PPM1L: variants seen among roughly 807,000 people sequenced by gnomAD.
PPM1L encodes the protein protein phosphatase, Mg2+/Mn2+ dependent 1L.
A neutral mutation model predicts 31.4 loss-of-function variants in PPM1L; 13 were observed. That is an observed-to-expected ratio of 0.41 (90% CI 0.27 to 0.66). The LOEUF (loss-of-function observed/expected upper bound fraction) is 0.66. Among genes scored for constraint, PPM1L ranks in the 30% least tolerant of loss-of-function variants. The pLI is 0.29. For missense variants in PPM1L, 326 were observed against 453.7 expected, an observed-to-expected ratio of 0.72 and a Z score of 2.56; for synonymous variants, 184 against 175.4, an observed-to-expected ratio of 1.05 and a Z score of -0.39.
At chr3:160,982,911 G>T (rs2376477) in intron 2 of PPM1L, among the ~76,000 whole-genome samples, 53,694 of 152,046 alleles carry the variant, frequency 0.35, 9,761 homozygotes, top group East Asian at 0.62. Flanking sequence ...CTCCACTGTG[G>T]CTAGATTTTT....
At chr3:160,944,813 T>TA (rs1715292673) in intron 1 of PPM1L, among the ~76,000 whole-genome samples, 2 of 15,578 alleles carry the variant, frequency 1.3e-4, no homozygotes, top group South Asian at 2.6e-3. Context: ...ATATATAACA[T>TA]ATATATGTTA....
chr3:160,966,620 G>C lies in PPM1L; in HGVS notation c.574+4710G>C, dbSNP rs528630957. Among the ~76,000 whole-genome samples the C allele has an allele frequency of 1.8e-3, 269 of 152,176 alleles. 2 individuals are homozygous for C. Among genetic ancestry groups the C allele is most frequent in the African/African-American group, 4.9e-3 (204 of 41,528 alleles). ...TTATGAATAATGCTGCAAGAAATAT[G>C]GGATTCATTTGTCTGCATTTTATAT... On this transcript the variant is annotated intron_variant, in intron 2 of 3. Coordinates refer to ENST00000498165, the MANE Select transcript of PPM1L (RefSeq NM_139245.4).
chr3:160,758,176 G>T (rs1714862400), intron 1 of PPM1L, among the ~76,000 whole-genome samples: 1 of 151,990 alleles, frequency 6.6e-6, no homozygotes, highest in South Asian at 2.1e-4. Context: ...GGGTAGTGTC[G>T]GGGTCCCCTC....
At chr3:160,924,517 CAACTTCCAAATGTGGAAGT>C (rs1197389007) in intron 1 of PPM1L, among the ~76,000 whole-genome samples, 9 of 152,164 alleles carry the variant, frequency 5.9e-5, no homozygotes, top group African/African-American at 2.2e-4. Flanking sequence ...ACCAATGGGA[CAACTTCCAAATGTGGAAGT>C]CAGTGCCTAC....
intron 1 of PPM1L, among the ~76,000 whole-genome samples, chr3:160,794,127 A>G (rs1011813567): frequency 2.0e-5 from 3 of 152,108 alleles, no homozygotes; most frequent in Non-Finnish European, 4.4e-5. Context: ...CAGGAAATCC[A>G]TTTTATCTAG....
intron 2 of PPM1L, among the ~76,000 whole-genome samples, chr3:160,996,227 G>A (rs755403528): frequency 5.3e-5 from 8 of 152,174 alleles, no homozygotes; most frequent in Non-Finnish European, 1.2e-4. Flanking sequence ...GGAAAACAGT[G>A]TGGATATTCC....
At chr3:160,764,817 G>A (rs781013374) in intron 1 of PPM1L, among the ~76,000 whole-genome samples, 4 of 152,064 alleles carry the variant, frequency 2.6e-5, no homozygotes, top group Non-Finnish European at 5.9e-5. Context: ...TAGTGATAGA[G>A]CAATATTTTA....
rs1720129387 is a variant in PPM1L, at chr3:161,077,172, G to T, written c.*8015G>T. 6.6e-6 allele frequency: 1 copy of T among 152,216 alleles called. No individual in the cohort carries two copies. The highest frequency in any genetic ancestry group is 2.4e-5 in the African/African-American group (1 of 41,446). The allele number at this position is 152,216 out of a possible 1,614,324, so 9.4% of individuals were successfully genotyped here. ...GATTTCTTCCAATGGGCTTAGATTT[G>T]TTGGGACAGGGCAGAATTAGAATAA... On this transcript the variant is annotated 3_prime_UTR_variant, in exon 4 of 4. Coordinates refer to ENST00000498165, the MANE Select transcript of PPM1L (RefSeq NM_139245.4).
At chr3:160,838,255 A>T (rs1713776522) in intron 1 of PPM1L, among the ~76,000 whole-genome samples, 1 of 152,202 alleles carries the variant, frequency 6.6e-6, no homozygotes, top group African/African-American at 2.4e-5. Flanking sequence ...AAATGAATAG[A>T]TCTCTGAGAA....
intron 1 of PPM1L, among the ~76,000 whole-genome samples, chr3:160,866,627 T>C (rs1712097940): frequency 6.6e-6 from 1 of 152,224 alleles, no homozygotes; most frequent in South Asian, 2.1e-4. Context: ...TTAATGGAGC[T>C]CTTAAAAGTC....
At chr3:160,920,527 A>G (rs995536434) in intron 1 of PPM1L, among the ~76,000 whole-genome samples, 1 of 151,730 alleles carries the variant, frequency 6.6e-6, no homozygotes, top group East Asian at 2.0e-4. Flanking sequence ...TCTACCAAGG[A>G]TAGACGGTAT....
At chr3:161,010,611 A>C (rs1717861608) in intron 2 of PPM1L, among the ~76,000 whole-genome samples, 1 of 152,114 alleles carries the variant, frequency 6.6e-6, no homozygotes, top group South Asian at 2.1e-4. Flanking sequence ...TGTCTTCCAC[A>C]ATGGTTGAAC....
chr3:160,853,471 T>C (rs770156079), intron 1 of PPM1L, among the ~76,000 whole-genome samples: 2 of 152,132 alleles, frequency 1.3e-5, no homozygotes, highest in African/African-American at 4.8e-5. Flanking sequence ...ATTTAATTAT[T>C]CATGCTATGA....
chr3:160,975,042 T>C (rs1167352226), intron 2 of PPM1L, among the ~76,000 whole-genome samples: 1 of 151,750 alleles, frequency 6.6e-6, no homozygotes, highest in Non-Finnish European at 1.5e-5. Context: ...CTTGAATTGA[T>C]TTTTGTATAA....
At position 161,073,373 on chromosome 3, in the gene PPM1L, G is replaced by C. The variant is rs186161686; in HGVS notation, c.*4216G>C. On this transcript the variant is annotated 3_prime_UTR_variant, in exon 4 of 4. Coordinates refer to ENST00000498165, the MANE Select transcript of PPM1L (RefSeq NM_139245.4). The stretch of plus-strand genomic sequence containing the variant: ...ACCCTTTGGGAAATTCTGGTATATT[G>C]AAATATTGCTGTGTTTTCATTCACG... 6.6e-6 allele frequency: 1 copy of C among 152,288 alleles called. No homozygotes were observed. The highest frequency in any genetic ancestry group is 1.9e-4 in the East Asian group (1 of 5,176). The allele number at this position is 152,288 out of a possible 1,614,324, so 9.4% of individuals were successfully genotyped here. A position where few individuals can be genotyped will look rare whatever the true frequency, so the allele number is the denominator to read the frequency against.
chr3:161,039,637 C>G (rs1576800170), intron 2 of PPM1L, among the ~76,000 whole-genome samples: 1 of 152,250 alleles, frequency 6.6e-6, no homozygotes, highest in East Asian at 1.9e-4. Context: ...ATTCTCCTGC[C>G]TCAGCCTCCC....
At chr3:161,062,126 G>T (rs1719590217) in intron 2 of PPM1L, among the ~76,000 whole-genome samples, 1 of 148,972 alleles carries the variant, frequency 6.7e-6, no homozygotes, top group Admixed American at 6.7e-5. Context: ...TCTGTTCTGT[G>T]TCTCTTTTAG....
At position 160,961,894 on chromosome 3, in the gene PPM1L, A is replaced by C; in HGVS notation, c.558A>C (p.Val186=). 1 of 1,580,264 alleles carries C rather than the reference A, an allele frequency of 6.3e-7. No homozygotes were observed. The highest frequency in any genetic ancestry group is 8.6e-7 in the Non-Finnish European group (1 of 1,168,120). ...IDREMLEKLT[V]SYDEAGTTCL... ...GAGAAATGCTAGAAAAATTGACTGT[A>C]TCCTATGATGAAGCAGGTATGTTTG... Residue 186 remains valine, a synonymous_variant, in exon 2 of 4, where the codon GTA becomes GTC. Coordinates refer to ENST00000498165, the MANE Select transcript of PPM1L (RefSeq NM_139245.4).
intron 1 of PPM1L, among the ~76,000 whole-genome samples, chr3:160,808,416 T>TGTGCGTGCGTGC (rs1553808363): frequency 2.3e-5 from 3 of 129,310 alleles, no homozygotes; most frequent in Non-Finnish European, 4.9e-5. Context: ...TGTGTGTGTG[T>TGTGCGTGCGTGC]GTGTGTGGTG....
Sources: gnomAD v4.1 joint callset for allele counts (sites outside exome capture counted in the v4.1 genomes callset) on GRCh38, gnomAD v4.1.1 for gene constraint, MANE v1.5 for transcripts, NCBI Gene and HGNC (gene_info 2026-07-23, HGNC 2026-07-21) for gene names.